Variants in SLC3A1 observed in about 807,000 individuals in gnomAD.
SLC3A1 encodes amino acid transporter heavy chain SLC3A1.
Under a neutral mutation model 60.3 loss-of-function variants are expected in SLC3A1, and 78 were observed. The observed-to-expected ratio is 1.29, with a 90% CI of 1.08 to 1.56. The LOEUF (loss-of-function observed/expected upper bound fraction) is 1.56, where lower values mean the gene tolerates loss of function less well. SLC3A1 is among the 40% of genes most tolerant of loss of function. SLC3A1 has a pLI of 0.00. For synonymous variants in SLC3A1, 392 were observed against 307.9 expected (o/e 1.27, Z -2.86); for missense variants, 1,172 against 858.9 (o/e 1.36, Z -4.56).
chr2:44,303,998 ATGCTTTCTAGAAGG>A, intron 6 of SLC3A1, 131 bp from the exon 7 acceptor site: 1 of 733,552 alleles, frequency 1.4e-6, no homozygotes, highest in Non-Finnish European at 2.5e-6. Context: ...CAGCTTGATT[ATGCTTTCTAGAAGG>A]TGCTAGTCCT....
At chr2:44,314,481 T>C (rs1270122515) in intron 9 of SLC3A1, 1 of 168,810 alleles carries the variant, frequency 5.9e-6, no homozygotes, top group Non-Finnish European at 1.3e-5. Flanking sequence ...GATCAAGCAC[T>C]AATGTCATTC....
In SLC3A1 at chr2:44,304,150, G is replaced by C; in HGVS notation, c.1144G>C (p.Gly382Arg). 6.2e-7 allele frequency: 1 copy of C among 1,613,806 alleles called. No individual in the cohort carries two copies. Residue 382 changes from glycine to arginine, a missense_variant, in exon 7 of 10, where the codon GGG (glycine) becomes CGG (arginine). Transcript: ENST00000260649. ...CCTTGTCAACTCTTATAGGTTCATG[G>C]GGACTGAAGCCTATGCAGAGAGTAT... ...STEPGRYRFM[G>R]TEAYAESIDR... is the part of the protein sequence containing the mutation.
chr2:44,319,953 T>G (rs558017646), intron 9 of SLC3A1: 1 of 483,670 alleles, frequency 2.1e-6, no homozygotes. Context: ...ACAGAAACTC[T>G]ACAATGTAGC....
At chr2:44,277,990 T>C (rs1052252807) in intron 1 of SLC3A1, among the ~76,000 whole-genome samples, 1 of 152,206 alleles carries the variant, frequency 6.6e-6, no homozygotes, top group African/African-American at 2.4e-5. Context: ...GTTTACTTTC[T>C]CCAGCCACTT....
At chr2:44,285,257 C>CA (rs1671586698) in intron 3 of SLC3A1, 1 of 164,068 alleles carries the variant, frequency 6.1e-6, no homozygotes, top group Non-Finnish European at 1.3e-5. Flanking sequence ...CATGTGGACT[C>CA]AGTGTAACTA....
chr2:44,281,324 G>A (rs565612844), intron 2 of SLC3A1, 63 bp from the exon 3 acceptor site: 1,347 of 1,425,856 alleles, frequency 9.4e-4, no homozygotes, highest in Admixed American at 2.4e-3. Context: ...ACTGTGCCTG[G>A]CCTGTCATAT....
rs938361954 is a variant in SLC3A1, at chr2:44,308,711, TTTA to T, written c.1333-3872_1333-3870del. On this transcript the variant is annotated intron_variant, in intron 7 of 9. Transcript: ENST00000260649. ...TGAACTTGTTTTTCGTTTCTAATAG[TTTA>T]TTGTGAATTCCTGAAGAATTTTTTT... Among the ~76,000 whole-genome samples the T allele has an allele frequency of 2.6e-5, 4 of 152,148 alleles. No individual in the cohort carries two copies. In the South Asian group the frequency reaches 6.2e-4, roughly 24 times the overall value.
chr2:44,301,260 T>TA, intron 6 of SLC3A1, 133 bp downstream of exon 6: 2 of 1,209,572 alleles, frequency 1.7e-6, no homozygotes, highest in Non-Finnish European at 2.4e-6. Context: ...TGATTACAGT[T>TA]TGGTTGTACC....
At chr2:44,319,635 C>T (rs1672754457) in intron 9 of SLC3A1, 1 of 152,970 alleles carries the variant, frequency 6.5e-6, no homozygotes, top group Non-Finnish European at 1.5e-5. Flanking sequence ...AAAAAAAAGT[C>T]TACAATTTCT....
At chr2:44,288,844 AT>A (rs1379856873) in intron 4 of SLC3A1, among the ~76,000 whole-genome samples, 1 of 151,460 alleles carries the variant, frequency 6.6e-6, no homozygotes, top group Non-Finnish European at 1.5e-5. Flanking sequence ...TTATTTATTT[AT>A]TTTTTTTGAG....
intron 7 of SLC3A1, among the ~76,000 whole-genome samples, chr2:44,312,134 ATTCT>A (rs1191197812): frequency 3.3e-5 from 5 of 152,210 alleles, no homozygotes; most frequent in Non-Finnish European, 5.9e-5. Flanking sequence ...GAGTATGTAA[ATTCT>A]TTCTAAAAGT....
chr2:44,275,880 A>G lies in SLC3A1; in HGVS notation c.345A>G (p.Leu115=), dbSNP rs768741473. 2 of 1,614,224 alleles carry G rather than the reference A, an allele frequency of 1.2e-6. No individual in the cohort carries two copies. The highest frequency in any genetic ancestry group is 2.2e-5 in the East Asian group (1 of 44,884). ...TCATTGCCCTCTCTCCAAAGTGCCTAGACTGGTGGCAGGAGGGGCCCATGT... is the reference window on the plus strand; with the variant it reads ...TCATTGCCCTCTCTCCAAAGTGCCTGGACTGGTGGCAGGAGGGGCCCATGT... ...IAIIALSPKC[L]DWWQEGPMYQ... The change falls in exon 1 of 10, where the codon CTA becomes CTG. Residue 115 remains leucine (L), a synonymous_variant. Transcript: ENST00000260649.
intron 9 of SLC3A1, chr2:44,318,239 C>T (rs1054619523): frequency 4.2e-5 from 14 of 333,152 alleles, no homozygotes; most frequent in South Asian, 1.1e-4. Context: ...TACAGGTGCA[C>T]GTCATTATGC....
chr2:44,297,133 G>A (rs868380441), intron 4 of SLC3A1, among the ~76,000 whole-genome samples: 17 of 152,324 alleles, frequency 1.1e-4, no homozygotes, highest in South Asian at 6.2e-4. Flanking sequence ...CTCCATAGGT[G>A]AAAATTGGCT....
intron 4 of SLC3A1, among the ~76,000 whole-genome samples, chr2:44,287,630 G>A (rs1232902065): frequency 6.6e-6 from 1 of 152,090 alleles, no homozygotes; most frequent in Non-Finnish European, 1.5e-5. Flanking sequence ...AATGGGTTAG[G>A]GCGCTGAAGT....
chr2:44,291,771 G>A (rs1247306686), intron 4 of SLC3A1, among the ~76,000 whole-genome samples: 2 of 152,116 alleles, frequency 1.3e-5, no homozygotes, highest in East Asian at 3.9e-4. Context: ...TACTCCTGGA[G>A]CCTGAGCCCA....
chr2:44,304,242 C>T lies in SLC3A1; in HGVS notation c.1236C>T (p.Tyr412=). The change falls in exon 7 of 10, where the codon TAC becomes TAT. Residue 412 remains tyrosine, a synonymous_variant. Transcript: ENST00000260649. The part of the protein sequence containing the change: ...IQEADFPFNN[Y]LSMLDTVSGN... ...AAGCTGATTTTCCCTTCAACAATTACCTCAGCATGCTAGACACTGTTTCTG... is the reference window on the plus strand; with the variant it reads ...AAGCTGATTTTCCCTTCAACAATTATCTCAGCATGCTAGACACTGTTTCTG... 1 of 1,613,984 alleles carries T rather than the reference C, an allele frequency of 6.2e-7. No individual in the cohort carries two copies. The highest frequency in any genetic ancestry group is 8.5e-7 in the Non-Finnish European group (1 of 1,179,850).
chr2:44,280,156 T>C (rs1004087460), intron 1 of SLC3A1, among the ~76,000 whole-genome samples: 3 of 152,236 alleles, frequency 2.0e-5, no homozygotes, highest in African/African-American at 4.8e-5. Context: ...TGGTTTTAAA[T>C]ATAAAATATG....
At position 44,300,983 on chromosome 2, in the gene SLC3A1, T is replaced by C; in HGVS notation, c.1012-20T>C. On this transcript the variant is annotated intron_variant, in intron 5 of 9. Coordinates refer to ENST00000260649, the MANE Select transcript of SLC3A1 (RefSeq NM_000341.4). The stretch of plus-strand genomic sequence containing the variant: ...GCAATGTATGAAATGAGGGTAACCA[T>C]GTCGTCCTGGTTTTCAAAGGACACG... The C allele has an allele frequency of 6.2e-7, 1 of 1,613,510 alleles. No homozygotes were observed. The highest frequency in any genetic ancestry group is 8.5e-7 in the Non-Finnish European group (1 of 1,179,972).
Sources: allele counts gnomAD v4.1 joint callset (sites outside exome capture counted in the v4.1 genomes callset), GRCh38; gene constraint gnomAD v4.1.1; transcripts MANE v1.5; gene names NCBI Gene and HGNC (gene_info 2026-07-23, HGNC 2026-07-21).